NEGR1: variants seen among roughly 807,000 people sequenced by gnomAD.
NEGR1 encodes the protein neuronal growth regulator 1.
In NEGR1, 10 loss-of-function variants were observed where a neutral mutation model predicts 40.9. That is an observed-to-expected ratio of 0.24 (90% CI 0.15 to 0.42). NEGR1 has a LOEUF of 0.42. NEGR1 is among the 10% of genes least tolerant of loss of function. NEGR1 has a pLI of 1.00. For synonymous variants in NEGR1, 185 were observed against 166.8 expected, an observed-to-expected ratio of 1.11 and a Z score of -0.84; for missense variants, 352 against 438.9, an observed-to-expected ratio of 0.80 and a Z score of 1.77.
chr1:71,586,091 T>G (rs1379654928), intron 6 of NEGR1, among the ~76,000 whole-genome samples: 2 of 152,148 alleles, frequency 1.3e-5, no homozygotes, highest in Non-Finnish European at 1.5e-5. Flanking sequence ...CTACAATCCT[T>G]CATGAAGGAT....
At chr1:71,428,622 CTT>C (rs1215931229) in intron 6 of NEGR1, among the ~76,000 whole-genome samples, 1 of 149,924 alleles carries the variant, frequency 6.7e-6, no homozygotes, top group Non-Finnish European at 1.5e-5. Context: ...GTTTTAAAAA[CTT>C]TGCATATATA....
chr1:71,887,381 C>T (rs999668062), intron 2 of NEGR1, among the ~76,000 whole-genome samples: 1 of 152,174 alleles, frequency 6.6e-6, no homozygotes, highest in Admixed American at 6.5e-5. Context: ...AAAAGCTTAA[C>T]AACTTTTCAA....
chr1:72,173,246 A>G (rs2630434), intron 1 of NEGR1, among the ~76,000 whole-genome samples: 143,615 of 146,884 alleles, frequency 0.98, 70,242 homozygotes, highest in East Asian at 1. Flanking sequence ...GAGTTCAAGC[A>G]ATCTGCTAGC....
intron 2 of NEGR1, among the ~76,000 whole-genome samples, chr1:71,921,085 C>T (rs1320094772): frequency 1.3e-5 from 2 of 152,120 alleles, no homozygotes; most frequent in Non-Finnish European, 2.9e-5. Flanking sequence ...ATTTATCTTA[C>T]TTTCTAATAA....
intron 6 of NEGR1, among the ~76,000 whole-genome samples, chr1:71,435,525 T>C (rs1171714016): frequency 6.6e-6 from 1 of 151,370 alleles, no homozygotes; most frequent in East Asian, 1.9e-4. Flanking sequence ...AAAAGTGCTG[T>C]ATTCTGAAAA....
intron 1 of NEGR1, among the ~76,000 whole-genome samples, chr1:71,980,071 A>G (rs1646341277): frequency 6.6e-6 from 1 of 152,170 alleles, no homozygotes; most frequent in South Asian, 2.1e-4. Context: ...GCATAATAAC[A>G]ATATGCAACT....
intron 6 of NEGR1, among the ~76,000 whole-genome samples, chr1:71,474,281 A>ATGTG (rs112956217): frequency 0.048 from 6,902 of 143,550 alleles, 471 homozygotes; most frequent in African/African-American, 0.15. Context: ...AAACAGGAAA[A>ATGTG]TGTGTGTGTG....
chr1:72,059,288 T>C (rs1435548374), intron 1 of NEGR1, among the ~76,000 whole-genome samples: 1 of 150,928 alleles, frequency 6.6e-6, no homozygotes, highest in Non-Finnish European at 1.5e-5. Flanking sequence ...GTTCTGTGTG[T>C]AATCCAAGTC....
At chr1:72,177,851 C>A (rs1160156179) in intron 1 of NEGR1, among the ~76,000 whole-genome samples, 1 of 151,484 alleles carries the variant, frequency 6.6e-6, no homozygotes, top group African/African-American at 2.4e-5. Context: ...CTAGGGAACA[C>A]CTCCAACACA....
intron 1 of NEGR1, among the ~76,000 whole-genome samples, chr1:72,008,973 T>C (rs1420132684): frequency 9.8e-5 from 12 of 122,938 alleles, no homozygotes; most frequent in Admixed American, 5.2e-4. Flanking sequence ...CCATTAAACT[T>C]CCCTAACCAC....
chr1:71,467,056 C>T (rs895552825), intron 6 of NEGR1, among the ~76,000 whole-genome samples: 4 of 151,930 alleles, frequency 2.6e-5, no homozygotes, highest in Non-Finnish European at 4.4e-5. Context: ...TGTCCATTGT[C>T]AACATTTATG....
chr1:72,112,178 G>GT (rs1649397161), intron 1 of NEGR1, among the ~76,000 whole-genome samples: 1 of 149,178 alleles, frequency 6.7e-6, no homozygotes, highest in Non-Finnish European at 1.5e-5. Context: ...ATTCTCCAAC[G>GT]TAAGCATTAG....
At chr1:72,158,393 A>G (rs1018005409) in intron 1 of NEGR1, among the ~76,000 whole-genome samples, 5 of 152,092 alleles carry the variant, frequency 3.3e-5, no homozygotes, top group African/African-American at 1.2e-4. Flanking sequence ...CAGCTGCCCT[A>G]TGGCAGGCTC....
intron 4 of NEGR1, among the ~76,000 whole-genome samples, chr1:71,688,172 G>A (rs1359015320): frequency 1.3e-5 from 2 of 150,708 alleles, no homozygotes; most frequent in Non-Finnish European, 2.9e-5. Flanking sequence ...AAAGTTTAAT[G>A]ACTTGACCAA....
intron 3 of NEGR1, among the ~76,000 whole-genome samples, chr1:71,699,982 CG>C (rs1653628794): frequency 6.6e-6 from 1 of 151,812 alleles, no homozygotes; most frequent in Admixed American, 6.6e-5. Flanking sequence ...ACTGTATGTC[CG>C]ATTAAACCTC....
chr1:71,896,019 C>T (rs1660962215), intron 2 of NEGR1, among the ~76,000 whole-genome samples: 1 of 147,810 alleles, frequency 6.8e-6, no homozygotes, highest in Non-Finnish European at 1.5e-5. Flanking sequence ...TTTTAAGTCT[C>T]GATGATAACG....
intron 1 of NEGR1, among the ~76,000 whole-genome samples, chr1:72,210,289 C>G (rs763561929): frequency 6.6e-6 from 1 of 151,714 alleles, no homozygotes; most frequent in Non-Finnish European, 1.5e-5. Flanking sequence ...TGGCATAGTG[C>G]GACATCACTG....
At chr1:71,597,449 T>TCG (rs1649753846) in intron 5 of NEGR1, among the ~76,000 whole-genome samples, 1 of 44,884 alleles carries the variant, frequency 2.2e-5, no homozygotes, top group Non-Finnish European at 5.4e-5. Flanking sequence ...TCTCTCTCTC[T>TCG]CTCTCTCTCT....
intron 1 of NEGR1, among the ~76,000 whole-genome samples, chr1:72,138,370 TTA>T (rs1309471922): frequency 1.3e-5 from 2 of 151,912 alleles, no homozygotes; most frequent in Non-Finnish European, 2.9e-5. Context: ...CTAAATGTAA[TTA>T]TATGAGTAAT....
Sources: gnomAD v4.1 joint callset for allele counts (sites outside exome capture counted in the v4.1 genomes callset) on GRCh38, gnomAD v4.1.1 for gene constraint, MANE v1.5 for transcripts, NCBI Gene and HGNC (gene_info 2026-07-23, HGNC 2026-07-21) for gene names.